The following DPYD variants were observed in gnomAD, a reference collection of about 807,000 sequenced individuals.
DPYD encodes the protein dihydropyrimidine dehydrogenase, also known as dihydropyrimidine dehydrogenase [NADP(+)].
Under a neutral mutation model 116.2 loss-of-function variants are expected in DPYD, and 109 were observed. That is an observed-to-expected ratio of 0.94 (90% confidence interval 0.80 to 1.10). The LOEUF is 1.10. DPYD is among the 50% of genes least tolerant of loss of function. The pLI is 0.00. For synonymous variants in DPYD, 440 were observed against 432.0 expected, an observed-to-expected ratio of 1.02 and a Z score of -0.23; for missense variants, 1,302 against 1,254.5, an observed-to-expected ratio of 1.04 and a Z score of -0.57.
intron 11 of DPYD, among the ~76,000 whole-genome samples, chr1:97,551,602 C>G (rs1479954234): frequency 6.6e-6 from 1 of 150,774 alleles, no homozygotes; most frequent in African/African-American, 2.4e-5. Context: ...GAGATCAAAG[C>G]ATTTTTTTTT....
chr1:97,106,991 T>G (rs369129043), intron 20 of DPYD, among the ~76,000 whole-genome samples: 103 of 152,246 alleles, frequency 6.8e-4, no homozygotes, highest in African/African-American at 2.2e-3. Flanking sequence ...TTGGCTCTGT[T>G]TCTCTGGAGA....
intron 8 of DPYD, among the ~76,000 whole-genome samples, chr1:97,611,399 T>C (rs539391819): frequency 3.9e-5 from 6 of 152,102 alleles, no homozygotes; most frequent in Admixed American, 3.3e-4. Flanking sequence ...AGAATTTCAT[T>C]TGGGTGATAA....
intron 5 of DPYD, among the ~76,000 whole-genome samples, chr1:97,712,187 C>T (rs974147339): frequency 1.3e-5 from 2 of 151,984 alleles, no homozygotes; most frequent in African/African-American, 2.4e-5. Flanking sequence ...TTTAGGAGCT[C>T]CCCTTACATG....
At chr1:97,532,910 T>TG (rs1220775008) in intron 12 of DPYD, among the ~76,000 whole-genome samples, 1 of 123,446 alleles carries the variant, frequency 8.1e-6, no homozygotes, top group African/African-American at 3.5e-5. Flanking sequence ...TGGGCTTAGT[T>TG]GTTTTTTTTT....
At chr1:97,200,410 T>A (rs984783072) in intron 19 of DPYD, among the ~76,000 whole-genome samples, 8 of 152,164 alleles carry the variant, frequency 5.3e-5, no homozygotes, top group African/African-American at 1.7e-4. Flanking sequence ...TCTGCAATGG[T>A]TATCACATCA....
intron 19 of DPYD, among the ~76,000 whole-genome samples, chr1:97,233,655 A>C (rs115328218): frequency 0.016 from 2,402 of 151,876 alleles, 64 homozygotes; most frequent in African/African-American, 0.054. Flanking sequence ...ATCTGTGCCT[A>C]TTGTTGTTTC....
intron 8 of DPYD, among the ~76,000 whole-genome samples, chr1:97,614,411 G>C (rs1441602546): frequency 6.6e-6 from 1 of 151,974 alleles, no homozygotes; most frequent in Admixed American, 6.6e-5. Context: ...TTATAAGACT[G>C]AGTTGATTTC....
intron 13 of DPYD, among the ~76,000 whole-genome samples, chr1:97,457,925 G>A (rs1676781715): frequency 6.6e-6 from 1 of 152,134 alleles, no homozygotes; most frequent in Non-Finnish European, 1.5e-5. Flanking sequence ...GGCTTTTTTA[G>A]TGCTGATATC....
At chr1:97,502,660 T>A (rs1181004971) in intron 13 of DPYD, among the ~76,000 whole-genome samples, 1 of 151,982 alleles carries the variant, frequency 6.6e-6, no homozygotes, top group Non-Finnish European at 1.5e-5. Context: ...TGGTATACTA[T>A]TCTGTGAGAA....
At chr1:97,697,565 T>G (rs909222085) in intron 6 of DPYD, among the ~76,000 whole-genome samples, 2 of 152,006 alleles carry the variant, frequency 1.3e-5, no homozygotes, top group African/African-American at 4.8e-5. Flanking sequence ...AGGAGATTGA[T>G]TAAATATTTC....
chr1:97,729,640 A>G (rs534183094), intron 4 of DPYD, among the ~76,000 whole-genome samples: 29 of 152,244 alleles, frequency 1.9e-4, no homozygotes, highest in Admixed American at 1.3e-3. Flanking sequence ...CCAAACCATA[A>G]AATATCAATG....
intron 14 of DPYD, among the ~76,000 whole-genome samples, chr1:97,436,849 A>G (rs1675498442): frequency 6.6e-6 from 1 of 151,914 alleles, no homozygotes; most frequent in Non-Finnish European, 1.5e-5. Flanking sequence ...GGTAACTTGA[A>G]GAGTTGGGTA....
intron 20 of DPYD, among the ~76,000 whole-genome samples, chr1:97,115,570 T>A (rs72724380): frequency 1.3e-5 from 2 of 152,206 alleles, no homozygotes; most frequent in Non-Finnish European, 1.5e-5. Flanking sequence ...ATTATACTTA[T>A]GTATTTTCCT....
chr1:97,441,415 C>T (rs1014128219), intron 14 of DPYD, among the ~76,000 whole-genome samples: 3 of 151,566 alleles, frequency 2.0e-5, no homozygotes, highest in Non-Finnish European at 4.4e-5. Flanking sequence ...TGTGTGTGTG[C>T]GTTTCATTTT....
At position 97,210,933 on chromosome 1, in the gene DPYD, C is replaced by G. The variant is rs3897932; in HGVS notation, c.2443-17685G>C. ...ATCGTGAATCTATTTGTTGCCATAA[C>G]CACAGCTTCTTGCAACTGGAATCAA... On this transcript the variant is annotated intron_variant, in intron 19 of 22. Transcript: ENST00000370192. Among the ~76,000 whole-genome samples, 1,212 of 152,274 alleles carry G rather than the reference C, an allele frequency of 8.0e-3. 15 individuals are homozygous for G. Among genetic ancestry groups the G allele is most frequent in the African/African-American group, 0.028 (1,167 of 41,544 alleles).
At chr1:97,446,562 G>T (rs539971184) in intron 14 of DPYD, among the ~76,000 whole-genome samples, 1 of 152,066 alleles carries the variant, frequency 6.6e-6, no homozygotes, top group African/African-American at 2.4e-5. Context: ...CATATCAATT[G>T]TTCTTCCTTA....
At chr1:97,173,955 C>T (rs1312580197) in intron 20 of DPYD, among the ~76,000 whole-genome samples, 2 of 151,108 alleles carry the variant, frequency 1.3e-5, no homozygotes, top group Non-Finnish European at 2.9e-5. Context: ...AAAGTGTACC[C>T]AGAGTGAATG....
intron 2 of DPYD, among the ~76,000 whole-genome samples, chr1:97,857,148 C>T (rs1472128201): frequency 6.6e-6 from 1 of 152,062 alleles, no homozygotes. Flanking sequence ...CTTCAGACCC[C>T]ATAGCCTGAA....
intron 7 of DPYD, 75 bp downstream of exon 7, chr1:97,691,642 T>G: frequency 8.1e-7 from 1 of 1,241,384 alleles, no homozygotes; most frequent in Non-Finnish European, 1.2e-6. Context: ...TGCATGACAT[T>G]TGCTGTTAAT....
Sources: allele counts gnomAD v4.1 joint callset (sites outside exome capture counted in the v4.1 genomes callset), GRCh38; gene constraint gnomAD v4.1.1; transcripts MANE v1.5; gene names NCBI Gene and HGNC (gene_info 2026-07-23, HGNC 2026-07-21).